Variants in ABHD10 observed in about 807,000 individuals in gnomAD.
ABHD10 encodes palmitoyl-protein thioesterase ABHD10, mitochondrial.
Under a neutral mutation model 33.1 loss-of-function variants are expected in ABHD10, and 22 were observed. That is an observed-to-expected ratio of 0.66 (90% CI 0.47 to 0.95). ABHD10 has a LOEUF of 0.95. Ranked by LOEUF, ABHD10 falls within the 40% of genes least tolerant of loss-of-function variation. The pLI, the probability that ABHD10 is intolerant of heterozygous loss-of-function variation, is 0.00. For missense variants in ABHD10, 352 were observed against 379.9 expected, an observed-to-expected ratio of 0.93 and a Z score of 0.61; for synonymous variants, 146 against 133.9, an observed-to-expected ratio of 1.09 and a Z score of -0.62.
chr3:111,980,521 G>GTTA (rs1559934898), intron 1 of ABHD10, among the ~76,000 whole-genome samples: 1 of 152,062 alleles, frequency 6.6e-6, no homozygotes, highest in African/African-American at 2.4e-5. Context: ...AGACTCTAAG[G>GTTA]AAGTACACAA....
chr3:111,979,107 C>T lies in ABHD10; in HGVS notation c.46C>T (p.Arg16Trp), dbSNP rs1360368204. 3.1e-6 allele frequency: 5 copies of T among 1,613,272 alleles called. No homozygotes were observed. Among genetic ancestry groups the T allele is most frequent in the Middle Eastern group, 1.6e-4 (1 of 6,074 alleles). The part of the protein sequence containing the change: ...LAAVAAWVPC[R>W]SWGWAAVPFG... ...AGCTGTGGCGGCCTGGGTACCTTGT[C>T]GGAGCTGGGGCTGGGCAGCCGTCCC... The change falls in exon 1 of 5, where the codon CGG (arginine) becomes TGG (tryptophan). Residue 16 changes from arginine (R) to tryptophan (W), a missense_variant. Physicochemically the swap from Arg to Trp is moderately radical, Grantham distance 101. Transcript: ENST00000273359.
At chr3:111,986,778 A>G in intron 3 of ABHD10, 136 bp from the exon 4 acceptor site, 1 of 703,328 alleles carries the variant, frequency 1.4e-6, no homozygotes, top group Non-Finnish European at 2.2e-6. Flanking sequence ...TTTAATTTAA[A>G]TGTTTAATCC....
At chr3:111,989,011 G>A (rs1283322915) in intron 4 of ABHD10, among the ~76,000 whole-genome samples, 1 of 152,180 alleles carries the variant, frequency 6.6e-6, no homozygotes, top group South Asian at 2.1e-4. Context: ...TACTTACTCA[G>A]ATAAGCAGTT....
At chr3:111,985,740 A>G (rs1243266370) in intron 2 of ABHD10, among the ~76,000 whole-genome samples, 1 of 148,012 alleles carries the variant, frequency 6.8e-6, no homozygotes, top group Non-Finnish European at 1.5e-5. Flanking sequence ...TATCTGGAGG[A>G]GAGTATGCCA....
chr3:111,984,561 ACTACTGT>A (rs2072629095), intron 2 of ABHD10, among the ~76,000 whole-genome samples: 1 of 152,224 alleles, frequency 6.6e-6, no homozygotes, highest in African/African-American at 2.4e-5. Flanking sequence ...TGAAGTGAGT[ACTACTGT>A]AAAATTTAGT....
At chr3:111,982,276 C>T (rs145741127) in intron 2 of ABHD10, 4 of 202,556 alleles carry the variant, frequency 2.0e-5, no homozygotes, top group Middle Eastern at 1.7e-3. Context: ...TTCATACAGT[C>T]TCTTATATTA....
chr3:111,979,994 A>G (rs1282528679), intron 1 of ABHD10, among the ~76,000 whole-genome samples: 1 of 152,246 alleles, frequency 6.6e-6, no homozygotes, highest in Non-Finnish European at 1.5e-5. Context: ...TACTCCTAGT[A>G]AAATGTAGTA....
At chr3:111,983,559 CTAAT>C (rs34621497) in intron 2 of ABHD10, among the ~76,000 whole-genome samples, 66,859 of 151,510 alleles carry the variant, frequency 0.44, 15,373 homozygotes, top group Non-Finnish European at 0.48. Flanking sequence ...TCATCACAGT[CTAAT>C]TATTGTTAAC....
In ABHD10 at chr3:111,991,905, A is replaced by G. The variant is rs754452851; in HGVS notation, c.*184A>G. 4 of 502,052 alleles carry G rather than the reference A, an allele frequency of 8.0e-6. No individual in the cohort carries two copies. Among genetic ancestry groups the G allele is most frequent in the Non-Finnish European group, 1.0e-5 (3 of 297,286 alleles). 31.1% of individuals were successfully genotyped at this position (502,052 alleles called of 1,614,324 possible). A position where few individuals can be genotyped will look rare whatever the true frequency, so the allele number is the denominator to read the frequency against. On this transcript the variant is annotated 3_prime_UTR_variant, in exon 5 of 5. Coordinates refer to ENST00000273359, the MANE Select transcript of ABHD10 (RefSeq NM_018394.4). ...TGTGAAGAAGGACCAGCTGCTGTTTAGAAAATTTTCTCCTTCCTTCTGTCC... is the reference window on the plus strand; with the variant it reads ...TGTGAAGAAGGACCAGCTGCTGTTTGGAAAATTTTCTCCTTCCTTCTGTCC...
Position 111,986,291 on chromosome 3 carries a change from A to T in ABHD10, c.354A>T (p.Ser118=). The change falls in exon 3 of 5, where the codon TCA becomes TCT. Residue 118 remains serine, a synonymous_variant. Coordinates refer to ENST00000273359, the MANE Select transcript of ABHD10 (RefSeq NM_018394.4). ...IRFDYSGVGS[S]DGNSEESTLG... is the part of the protein sequence containing the mutation. ...TTGATTACTCAGGAGTTGGAAGTTC[A>T]GATGGTAACTCAGAGGAAAGCACAC... 6.2e-7 allele frequency: 1 copy of T among 1,613,754 alleles called. No homozygotes were observed. The highest frequency in any genetic ancestry group is 8.5e-7 in the Non-Finnish European group (1 of 1,179,724).
Position 111,992,720 on chromosome 3 carries a change from A to G in ABHD10, c.*999A>G, listed in dbSNP as rs1360787826. 1.3e-5 allele frequency: 2 copies of G among 152,212 alleles called. No homozygotes were observed. Among genetic ancestry groups the G allele is most frequent in the South Asian group, 2.1e-4 (1 of 4,834 alleles). The allele number at this position is 152,212 out of a possible 1,614,324, so 9.4% of individuals were successfully genotyped here. A position where few individuals can be genotyped will look rare whatever the true frequency, so the allele number is the denominator to read the frequency against. ...ATCTGTCAAACCTTTTAAGTTGACA[A>G]CATGACTCATATATATACATGTGTA... is the stretch of plus-strand genomic sequence containing the variant. On this transcript the variant is annotated 3_prime_UTR_variant, in exon 5 of 5. Transcript: ENST00000273359.
chr3:111,991,855 A>G lies in ABHD10; in HGVS notation c.*134A>G. 1.5e-6 allele frequency: 1 copy of G among 663,670 alleles called. No individual in the cohort carries two copies. The highest frequency in any genetic ancestry group is 2.3e-6 in the Non-Finnish European group (1 of 425,830). The allele number at this position is 663,670 out of a possible 1,614,324, so 41.1% of individuals were successfully genotyped here. A position where few individuals can be genotyped will look rare whatever the true frequency, so the allele number is the denominator to read the frequency against. ...AATATAAGATGAGTATTATTTAATG[A>G]TGTATTTGCATAAGTAATGCAAATT... On this transcript the variant is annotated 3_prime_UTR_variant, in exon 5 of 5. Transcript: ENST00000273359.
chr3:111,981,327 A>G (rs937705078), intron 1 of ABHD10, among the ~76,000 whole-genome samples: 4 of 151,396 alleles, frequency 2.6e-5, no homozygotes, highest in Non-Finnish European at 5.9e-5. Flanking sequence ...AAAAAAAAAA[A>G]AAAAAAGAAA....
intron 2 of ABHD10, among the ~76,000 whole-genome samples, chr3:111,985,332 TCAGA>T (rs999988811): frequency 2.6e-5 from 4 of 152,104 alleles, no homozygotes; most frequent in African/African-American, 9.7e-5. Flanking sequence ...AATTCATAGA[TCAGA>T]CAGATAACTG....
intron 4 of ABHD10, among the ~76,000 whole-genome samples, chr3:111,988,124 G>T (rs1015166118): frequency 6.6e-6 from 1 of 152,132 alleles, no homozygotes; most frequent in Admixed American, 6.5e-5. Context: ...AAGAAAAAAC[G>T]TATGCAGTGT....
At position 111,987,054 on chromosome 3, in the gene ABHD10, A is replaced by G. The variant is rs1343623301; in HGVS notation, c.576+3A>G. Reference sequence around the variant, plus strand: ...AGTTTAATCAGCTTCCTGTTGAGGTAAGTCAAAAGTCACTTTTGCCACCTC... The same window carrying G: ...AGTTTAATCAGCTTCCTGTTGAGGTGAGTCAAAAGTCACTTTTGCCACCTC... On this transcript the variant is annotated splice_donor_region_variant and intron_variant, in intron 4 of 4. Coordinates refer to ENST00000273359, the MANE Select transcript of ABHD10 (RefSeq NM_018394.4). 1.2e-6 allele frequency: 2 copies of G among 1,611,512 alleles called. No individual in the cohort carries two copies. Among genetic ancestry groups the G allele is most frequent in the African/African-American group, 2.7e-5 (2 of 74,796 alleles).
At chr3:111,989,484 A>G (rs1270292268) in intron 4 of ABHD10, among the ~76,000 whole-genome samples, 1 of 152,232 alleles carries the variant, frequency 6.6e-6, no homozygotes, top group African/African-American at 2.4e-5. Flanking sequence ...CATTCAATTC[A>G]GTGGCAGGTA....
At chr3:111,983,643 AT>A (rs369934420) in intron 2 of ABHD10, among the ~76,000 whole-genome samples, 2 of 151,886 alleles carry the variant, frequency 1.3e-5, no homozygotes, top group South Asian at 2.1e-4. Flanking sequence ...TTTTGTTGGG[AT>A]TTTTTGCTGT....
intron 4 of ABHD10, among the ~76,000 whole-genome samples, chr3:111,989,807 T>G (rs917341456): frequency 1.3e-4 from 19 of 151,310 alleles, no homozygotes; most frequent in African/African-American, 4.6e-4. Context: ...GAAGTACAGT[T>G]TTTTTTTTAC....
Sources: allele counts gnomAD v4.1 joint callset (sites outside exome capture counted in the v4.1 genomes callset), GRCh38; gene constraint gnomAD v4.1.1; transcripts MANE v1.5; gene names NCBI Gene and HGNC (gene_info 2026-07-23, HGNC 2026-07-21).